Variants in CCND1 observed in about 807,000 individuals in gnomAD.
CCND1 encodes G1/S-specific cyclin-D1.
CCND1 carries 9 observed loss-of-function variants against 26.1 expected under a neutral mutation model. That is an observed-to-expected ratio of 0.35 (90% confidence interval 0.21 to 0.60). The LOEUF (loss-of-function observed/expected upper bound fraction) is 0.60. Ranked by LOEUF, CCND1 falls within the 20% of genes least tolerant of loss-of-function variation. The pLI is 0.79. For synonymous variants in CCND1, 194 were observed against 166.1 expected (o/e 1.17, Z -1.29); for missense variants, 335 against 392.9 (o/e 0.85, Z 1.25).
At chr11:69,651,034 T>C in intron 4 of CCND1, 84 bp from the exon 5 acceptor site, 1 of 1,349,244 alleles carries the variant, frequency 7.4e-7, no homozygotes, top group East Asian at 2.6e-5. Context: ...GGCTTCCGGG[T>C]CATGGCACCT....
chr11:69,646,214 A>G (rs1386036222), intron 3 of CCND1, among the ~76,000 whole-genome samples: 3 of 152,152 alleles, frequency 2.0e-5, no homozygotes, highest in Admixed American at 6.5e-5. Flanking sequence ...ATTTGCCTCA[A>G]TGAGAAGGTT....
At chr11:69,647,951 G>T in intron 3 of CCND1, 43 bp from the exon 4 acceptor site, 1 of 1,609,056 alleles carries the variant, frequency 6.2e-7, no homozygotes, top group Non-Finnish European at 8.5e-7. Flanking sequence ...CCCTGAGAGG[G>T]TCCCCTGCTC....
chr11:69,650,363 C>T (rs867006988), intron 4 of CCND1, among the ~76,000 whole-genome samples: 4 of 152,256 alleles, frequency 2.6e-5, no homozygotes, highest in East Asian at 3.9e-4. Flanking sequence ...CTGGGCGTGG[C>T]GTTCCAGATT....
At position 69,648,152 on chromosome 11, in the gene CCND1, G is replaced by C. The variant is rs371455093; in HGVS notation, c.723+10G>C. ...GATCAAGTGTGACCCGGTAAGTGAG[G>C]GTGATGTCCCAGGCAGCCTTGCCGG... On this transcript the variant is annotated intron_variant, in intron 4 of 4. Coordinates refer to ENST00000227507, the MANE Select transcript of CCND1 (RefSeq NM_053056.3). 3 of 1,613,354 alleles carry C rather than the reference G, an allele frequency of 1.9e-6. No individual in the cohort carries two copies. The African/African-American group carries it at 4.0e-5, about 22-fold the overall frequency.
chr11:69,652,733 C>G lies in CCND1; in HGVS notation c.*1451C>G, dbSNP rs945323633. The G allele has an allele frequency of 8.6e-6, 2 of 233,142 alleles. No individual in the cohort carries two copies. The highest frequency in any genetic ancestry group is 4.4e-5 in the African/African-American group (2 of 45,198). The allele number at this position is 233,142 out of a possible 1,614,324, so 14.4% of individuals were successfully genotyped here. On this transcript the variant is annotated 3_prime_UTR_variant, in exon 5 of 5. Coordinates refer to ENST00000227507, the MANE Select transcript of CCND1 (RefSeq NM_053056.3). ...TTATTGCAGAGGATGTTCATAAGGCCAGTATGATTTATAAATGCAATCTCC... is the reference window on the plus strand; with the variant it reads ...TTATTGCAGAGGATGTTCATAAGGCGAGTATGATTTATAAATGCAATCTCC...
chr11:69,652,216 C>T lies in CCND1; in HGVS notation c.*934C>T, dbSNP rs1044495316. On this transcript the variant is annotated 3_prime_UTR_variant, in exon 5 of 5. Coordinates refer to ENST00000227507, the MANE Select transcript of CCND1 (RefSeq NM_053056.3). ...GCTGGTTTTCTACCCAACGGCCCTG[C>T]AGCCAGCTCACGTCCAGGTTCAACC... 3 of 233,614 alleles carry T rather than the reference C, an allele frequency of 1.3e-5. No homozygotes were observed. Among genetic ancestry groups the T allele is most frequent in the Non-Finnish European group, 2.5e-5 (3 of 118,072 alleles). The allele number at this position is 233,614 out of a possible 1,614,324, so 14.5% of individuals were successfully genotyped here. A position where few individuals can be genotyped will look rare whatever the true frequency, so the allele number is the denominator to read the frequency against.
intron 1 of CCND1, 65 bp from the exon 2 acceptor site, chr11:69,642,966 T>A (rs1368078567): frequency 7.9e-7 from 1 of 1,258,022 alleles, no homozygotes; most frequent in Non-Finnish European, 1.1e-6. Context: ...CGATGGGGGG[T>A]GCGGGGGCGT....
Position 69,641,402 on chromosome 11 carries a change from C to A in CCND1, c.89C>A (p.Ala30Asp), listed in dbSNP as rs1415272481. 1 of 1,613,348 alleles carries A rather than the reference C, an allele frequency of 6.2e-7. No individual in the cohort carries two copies. The highest frequency in any genetic ancestry group is 8.5e-7 in the Non-Finnish European group (1 of 1,180,036). Residue 30 changes from alanine (A) to aspartate (D), a missense_variant, in exon 1 of 5, where the codon GCC becomes GAC. By Grantham distance (126) the Ala-to-Asp change is moderately radical. Transcript: ENST00000227507. ...CTCCTCAACGACCGGGTGCTGCGGG[C>A]CATGCTGAAGGCGGAGGAGACCTGC... The part of the protein sequence containing the change: ...ANLLNDRVLR[A>D]MLKAEETCAP...
intron 4 of CCND1, among the ~76,000 whole-genome samples, chr11:69,648,433 C>T (rs1307511790): frequency 4.6e-5 from 7 of 152,244 alleles, no homozygotes. Flanking sequence ...CCAGGCGGCC[C>T]CAGCCAATGG....
At chr11:69,644,112 C>T (rs796414980) in intron 3 of CCND1, 121 bp downstream of exon 3, 2 of 892,144 alleles carry the variant, frequency 2.2e-6, no homozygotes, top group Admixed American at 2.0e-5. Flanking sequence ...CCCCCTCCTG[C>T]GCTGGAGAGC....
rs1482581479 is a variant in CCND1, at chr11:69,651,968, G to A, written c.*686G>A. 4.3e-6 allele frequency: 1 copy of A among 233,020 alleles called. No homozygotes were observed. The highest frequency in any genetic ancestry group is 8.5e-6 in the Non-Finnish European group (1 of 118,016). 14.4% of individuals were successfully genotyped at this position (233,020 alleles called of 1,614,324 possible). A position where few individuals can be genotyped will look rare whatever the true frequency, so the allele number is the denominator to read the frequency against. Reference sequence around the variant, plus strand: ...CCTCTTGGTTACAGTAGCGTAGCGTGCCCGTGTGCATGTCCTTTGCGCCTG... The same window carrying A: ...CCTCTTGGTTACAGTAGCGTAGCGTACCCGTGTGCATGTCCTTTGCGCCTG... On this transcript the variant is annotated 3_prime_UTR_variant, in exon 5 of 5. Transcript: ENST00000227507.
intron 3 of CCND1, among the ~76,000 whole-genome samples, chr11:69,647,116 C>T (rs1855792692): frequency 2.0e-5 from 3 of 152,370 alleles, no homozygotes; most frequent in Admixed American, 6.5e-5. Flanking sequence ...CCCATGGTGA[C>T]TGGTGCTAGG....
rs548942087 is a variant in CCND1, at chr11:69,652,981, G to A, written c.*1699G>A. Reference sequence around the variant, plus strand: ...AGGCATGGGTGCAAGGAAAATTAGGGTACTCAACCTAAGTTCGGTTCCGAT... The same window carrying A: ...AGGCATGGGTGCAAGGAAAATTAGGATACTCAACCTAAGTTCGGTTCCGAT... On this transcript the variant is annotated 3_prime_UTR_variant, in exon 5 of 5. Coordinates refer to ENST00000227507, the MANE Select transcript of CCND1 (RefSeq NM_053056.3). The A allele has an allele frequency of 1.1e-5, 4 of 378,772 alleles. No homozygotes were observed. Among genetic ancestry groups the A allele is most frequent in the Middle Eastern group, 1.4e-3 (2 of 1,454 alleles). 23.5% of individuals were successfully genotyped at this position (378,772 alleles called of 1,614,324 possible).
intron 4 of CCND1, among the ~76,000 whole-genome samples, chr11:69,648,829 C>T (rs1382322598): frequency 1.3e-5 from 2 of 151,936 alleles, no homozygotes; most frequent in Non-Finnish European, 2.9e-5. Context: ...CTGCAAGACC[C>T]GTTTTGGCTC....
rs1243137834 is a variant in CCND1, at chr11:69,653,794, G to A, written c.*2512G>A. On this transcript the variant is annotated 3_prime_UTR_variant, in exon 5 of 5. Transcript: ENST00000227507. ...ATTATTATTATTATTATTATAACAAGTGTGTCTTACGTGCCACCACGGCGT... is the reference window on the plus strand; with the variant it reads ...ATTATTATTATTATTATTATAACAAATGTGTCTTACGTGCCACCACGGCGT... 1 of 293,512 alleles carries A rather than the reference G, an allele frequency of 3.4e-6. No homozygotes were observed. The highest frequency in any genetic ancestry group is 6.4e-6 in the Non-Finnish European group (1 of 156,578). The allele number at this position is 293,512 out of a possible 1,614,324, so 18.2% of individuals were successfully genotyped here. A position where few individuals can be genotyped will look rare whatever the true frequency, so the allele number is the denominator to read the frequency against.
In CCND1 at chr11:69,654,416, T is replaced by C. The variant is rs972222092; in HGVS notation, c.*3134T>C. Reference sequence around the variant, plus strand: ...AGCACCAACATGTAACCGGCATGTTTCCAGCAGAAGACAAAAAGACAAACA... The same window carrying C: ...AGCACCAACATGTAACCGGCATGTTCCCAGCAGAAGACAAAAAGACAAACA... On this transcript the variant is annotated 3_prime_UTR_variant, in exon 5 of 5. Coordinates refer to ENST00000227507, the MANE Select transcript of CCND1 (RefSeq NM_053056.3). This position sits in a 1 kb window ranked among gnomAD's most constrained non-coding sequence, Gnocchi z 6.3. The C allele has an allele frequency of 1.4e-6, 1 of 691,656 alleles. No individual in the cohort carries two copies. The highest frequency in any genetic ancestry group is 2.6e-6 in the Non-Finnish European group (1 of 377,976). 42.8% of individuals were successfully genotyped at this position (691,656 alleles called of 1,614,324 possible).
intron 3 of CCND1, among the ~76,000 whole-genome samples, chr11:69,644,411 C>T (rs1018709182): frequency 6.6e-6 from 1 of 152,190 alleles, no homozygotes; most frequent in African/African-American, 2.4e-5. Flanking sequence ...TGGCCTCTCC[C>T]AGGCTGGGCC....
chr11:69,643,208 A>C lies in CCND1; in HGVS notation c.376A>C (p.Ile126Leu), dbSNP rs1329584649. 1 of 1,601,522 alleles carries C rather than the reference A, an allele frequency of 6.2e-7. No individual in the cohort carries two copies. The highest frequency in any genetic ancestry group is 8.5e-7 in the Non-Finnish European group (1 of 1,174,562). The change falls in exon 2 of 5, where the codon ATC becomes CTC. Residue 126 changes from isoleucine to leucine, a missense_variant. Transcript: ENST00000227507. ...TIPLTAEKLC[I>L]YTDNSIRPEE... ...CCCCCTGACGGCCGAGAAGCTGTGC[A>C]TCTACACCGACAACTCCATCCGGCC...
At position 69,653,467 on chromosome 11, in the gene CCND1, T is replaced by G; in HGVS notation, c.*2185T>G. On this transcript the variant is annotated 3_prime_UTR_variant, in exon 5 of 5. Transcript: ENST00000227507. ...AATTTTGACTTAATGTGATTACTGC[T>G]CTATTCCAAAAAGGTTGCTGTTTCA... 3.4e-6 allele frequency: 2 copies of G among 584,290 alleles called. No homozygotes were observed. The highest frequency in any genetic ancestry group is 6.0e-6 in the Non-Finnish European group (2 of 335,676). The allele number at this position is 584,290 out of a possible 1,614,324, so 36.2% of individuals were successfully genotyped here.
Sources: gnomAD v4.1 joint callset for allele counts (sites outside exome capture counted in the v4.1 genomes callset) on GRCh38, gnomAD v4.1.1 for gene constraint, Gnocchi (gnomAD v3.1) non-coding constraint, MANE v1.5 for transcripts, NCBI Gene and HGNC (gene_info 2026-07-23, HGNC 2026-07-21) for gene names.